Variants in TRANK1 observed in about 807,000 individuals in gnomAD.
TRANK1 encodes tetratricopeptide repeat and ankyrin repeat containing 1.
A neutral mutation model predicts 266.0 loss-of-function variants in TRANK1; 198 were observed. The observed-to-expected ratio is 0.74, with a 90% CI of 0.66 to 0.84. The LOEUF (loss-of-function observed/expected upper bound fraction) is 0.84, where lower values mean the gene tolerates loss of function less well. Ranked by LOEUF, TRANK1 falls within the 40% of genes least tolerant of loss-of-function variation. TRANK1 has a pLI of 0.00. For synonymous variants in TRANK1, 1,396 were observed against 1,384.1 expected, an observed-to-expected ratio of 1.01 and a Z score of -0.19; for missense variants, 3,326 against 3,634.6, an observed-to-expected ratio of 0.92 and a Z score of 2.18.
intron 11 of TRANK1, among the ~76,000 whole-genome samples, chr3:36,860,575 G>A (rs1000184508): frequency 9.9e-5 from 15 of 152,200 alleles, no homozygotes; most frequent in Non-Finnish European, 2.1e-4. Context: ...TCTAGCCAGA[G>A]GTCAGGAGGA....
At chr3:36,858,535 G>T (rs1310524324) in intron 12 of TRANK1, among the ~76,000 whole-genome samples, 183 bp downstream of exon 12, 1 of 152,204 alleles carries the variant, frequency 6.6e-6, no homozygotes, top group East Asian at 1.9e-4. Context: ...CACTCACCAT[G>T]GTGGTCACTT....
rs2079047572 is a variant in TRANK1, at chr3:36,856,034, G to A, written c.3688C>T (p.His1230Tyr). 1 of 1,613,730 alleles carries A rather than the reference G, an allele frequency of 6.2e-7. No individual in the cohort carries two copies. Among genetic ancestry groups the A allele is most frequent in the African/African-American group, 1.3e-5 (1 of 74,876 alleles). Residue 1230 changes from histidine to tyrosine, a missense_variant, in exon 13 of 24, where the codon CAC (histidine) becomes TAC (tyrosine). Transcript: ENST00000645898. The part of the protein sequence containing the change: ...SHYKPLDPNI[H>Y]KLQDLRDENF... The stretch of plus-strand genomic sequence containing the variant: ...TCGTCCCTCAGGTCCTGGAGTTTGT[G>A]AATGTTGGGGTCCAGTGGTTTGTAA...
At chr3:36,884,464 G>C (rs1251018630) in intron 8 of TRANK1, among the ~76,000 whole-genome samples, 1 of 152,186 alleles carries the variant, frequency 6.6e-6, no homozygotes, top group Non-Finnish European at 1.5e-5. Context: ...AAGGAACACA[G>C]GAGCCAGTCT....
Position 36,895,730 on chromosome 3 carries a change from C to T in TRANK1, c.462G>A (p.Leu154=), listed in dbSNP as rs982549884. 87 of 1,534,944 alleles carry T rather than the reference C, an allele frequency of 5.7e-5. No homozygotes were observed. The highest frequency in any genetic ancestry group is 7.0e-5 in the Non-Finnish European group (80 of 1,146,266). The change falls in exon 5 of 24, where the codon TTG becomes TTA. Residue 154 remains leucine, a synonymous_variant. Coordinates refer to ENST00000645898, the MANE Select transcript of TRANK1 (RefSeq NM_001329998.2). ...TTGTGAAAATATGATCAAAGCAAGG[C>T]AAGAAACTTTGCAAAACAATGGAGT... is the stretch of plus-strand genomic sequence containing the variant. ...SSDSIVLQSF[L]PCFDHIFTTG...
At chr3:36,841,980 C>A (rs1036580896) in intron 18 of TRANK1, among the ~76,000 whole-genome samples, 1 of 152,044 alleles carries the variant, frequency 6.6e-6, no homozygotes. Flanking sequence ...AAGGGAGACA[C>A]ACATCCCAGC....
At chr3:36,904,488 C>G (rs1413267820) in intron 2 of TRANK1, among the ~76,000 whole-genome samples, 2 of 151,448 alleles carry the variant, frequency 1.3e-5, no homozygotes, top group African/African-American at 4.9e-5. Flanking sequence ...CCACTGCACT[C>G]CAGCCTGGCA....
chr3:36,919,515 A>G (rs1157706492), intron 1 of TRANK1, among the ~76,000 whole-genome samples: 1 of 152,218 alleles, frequency 6.6e-6, no homozygotes, highest in Non-Finnish European at 1.5e-5. Context: ...CAATTTACTT[A>G]TCCATTCTGT....
chr3:36,892,451 T>C (rs1285880853), intron 6 of TRANK1, 111 bp from the exon 7 acceptor site: 1 of 1,317,872 alleles, frequency 7.6e-7, no homozygotes, highest in African/African-American at 1.5e-5. Flanking sequence ...TTAGCTGTGG[T>C]CCAAGCCTAG....
At position 36,857,617 on chromosome 3, in the gene TRANK1, G is replaced by A; in HGVS notation, c.2105C>T (p.Ala702Val). ...GAGAGTCTCCCAGCTGTCAGGGACT[G>A]CACTTCCTTCAGGCAGTGTTCTGGC... ...ATARTLPEGS[A>V]VPDSWETLPG... The change falls in exon 13 of 24, where the codon GCA becomes GTA. Residue 702 changes from alanine (A) to valine (V), a missense_variant. By Grantham distance (64) the Ala-to-Val change is moderately conservative. Coordinates refer to ENST00000645898, the MANE Select transcript of TRANK1 (RefSeq NM_001329998.2). This position sits in a 1 kb window ranked among gnomAD's most constrained non-coding sequence, Gnocchi z 4.3. The A allele has an allele frequency of 6.2e-7, 1 of 1,614,032 alleles. No homozygotes were observed. The highest frequency in any genetic ancestry group is 1.7e-5 in the Admixed American group (1 of 60,034).
intron 18 of TRANK1, among the ~76,000 whole-genome samples, chr3:36,839,567 C>T (rs932485965): frequency 1.3e-5 from 2 of 152,190 alleles, no homozygotes; most frequent in Non-Finnish European, 2.9e-5. Flanking sequence ...ACACACTGTT[C>T]CTTCTAACTG....
chr3:36,852,267 T>C lies in TRANK1; in HGVS notation c.4628A>G (p.Asp1543Gly). The change falls in exon 14 of 24, where the codon GAT (aspartate) becomes GGT (glycine). Residue 1543 changes from aspartate (D) to glycine (G), a missense_variant. Asp to Gly is a moderately conservative substitution (Grantham distance 94). Coordinates refer to ENST00000645898, the MANE Select transcript of TRANK1 (RefSeq NM_001329998.2). ...CTTAGGACCATCAAAGAGGCCAGAA[T>C]CCCTTGGAAGGCGATCAAAAGATTC... ...FPESFDRLPR[D>G]SGLFDGPKPT... 1 of 1,613,526 alleles carries C rather than the reference T, an allele frequency of 6.2e-7. No homozygotes were observed. Among genetic ancestry groups the C allele is most frequent in the East Asian group, 2.2e-5 (1 of 44,866 alleles).
In TRANK1 at chr3:36,831,747, C is replaced by G; in HGVS notation, c.7836G>C (p.Leu2612=). The G allele has an allele frequency of 6.2e-7, 1 of 1,613,990 alleles. No individual in the cohort carries two copies. Among genetic ancestry groups the G allele is most frequent in the Non-Finnish European group, 8.5e-7 (1 of 1,179,894 alleles). ...CCACCAAGACCCGCTTCACCACCTT[C>G]AGGAGCCTCTCGGGAACCTGGCCAG... The part of the protein sequence containing the change: ...DCPGQVPERL[L]KVVKRVLVAV... Residue 2612 remains leucine, a synonymous_variant, in exon 22 of 24, where the codon CTG becomes CTC. Coordinates refer to ENST00000645898, the MANE Select transcript of TRANK1 (RefSeq NM_001329998.2). The surrounding 1 kb of genome is among the most constrained non-coding windows in gnomAD (Gnocchi z 5.0).
At chr3:36,875,890 A>G (rs1237034998) in intron 8 of TRANK1, among the ~76,000 whole-genome samples, 1 of 152,268 alleles carries the variant, frequency 6.6e-6, no homozygotes, top group African/African-American at 2.4e-5. Context: ...TTAGAGCCTT[A>G]CAATCACAGA....
At chr3:36,886,708 C>A (rs925817456) in intron 8 of TRANK1, among the ~76,000 whole-genome samples, 4 of 151,738 alleles carry the variant, frequency 2.6e-5, no homozygotes, top group African/African-American at 9.7e-5. Flanking sequence ...GTCAGGAGAT[C>A]GAGACCATCC....
chr3:36,838,265 G>A, intron 20 of TRANK1, 107 bp downstream of exon 20: 2 of 1,499,152 alleles, frequency 1.3e-6, no homozygotes, highest in Non-Finnish European at 1.8e-6. Flanking sequence ...CTCCCTCCTT[G>A]GAAGACTGCA....
intron 15 of TRANK1, chr3:36,850,818 G>C (rs1289385780): frequency 3.0e-6 from 3 of 985,234 alleles, no homozygotes; most frequent in African/African-American, 1.7e-5. Flanking sequence ...GGTCAGTTCT[G>C]GGGCAGATTT....
In TRANK1 at chr3:36,831,042, C is replaced by A. The variant is rs576110310; in HGVS notation, c.8541G>T (p.Pro2847=). 2.5e-5 allele frequency: 41 copies of A among 1,613,874 alleles called. No individual in the cohort carries two copies. The highest frequency in any genetic ancestry group is 3.4e-5 in the Non-Finnish European group (40 of 1,179,898). The part of the protein sequence containing the change: ...YSEFFHEKVD[P]AIDEGKLVVQ... Reference sequence around the variant, plus strand: ...CCACCAGCTTGCCTTCATCAATGGCCGGGTCCACCTTCTCGTGGAAAAATT... The same window carrying A: ...CCACCAGCTTGCCTTCATCAATGGCAGGGTCCACCTTCTCGTGGAAAAATT... Residue 2847 remains proline, a synonymous_variant, in exon 22 of 24, where the codon CCG becomes CCT. Coordinates refer to ENST00000645898, the MANE Select transcript of TRANK1 (RefSeq NM_001329998.2). This position sits in a 1 kb window ranked among gnomAD's most constrained non-coding sequence, Gnocchi z 5.0.
At chr3:36,833,995 G>C (rs2078734466) in intron 21 of TRANK1, 76 bp from the exon 22 acceptor site, 1 of 1,412,486 alleles carries the variant, frequency 7.1e-7, no homozygotes, top group African/African-American at 1.4e-5. Flanking sequence ...ATACAGTGCA[G>C]AGCAACTTAA....
chr3:36,858,948 T>G, intron 11 of TRANK1, 54 bp from the exon 12 acceptor site: 1 of 1,452,206 alleles, frequency 6.9e-7, no homozygotes, highest in Non-Finnish European at 9.1e-7. Flanking sequence ...CTGGCTCGCC[T>G]GACGAGAGAA....
Sources: allele counts gnomAD v4.1 joint callset (sites outside exome capture counted in the v4.1 genomes callset), GRCh38; gene constraint gnomAD v4.1.1; non-coding constraint Gnocchi (gnomAD v3.1); transcripts MANE v1.5; gene names NCBI Gene and HGNC (gene_info 2026-07-23, HGNC 2026-07-21).